WNT3: variants seen among roughly 807,000 people sequenced by gnomAD.
WNT3 encodes proto-oncogene Wnt-3.
WNT3 carries 7 observed loss-of-function variants against 34.2 expected under a neutral mutation model. The ratio of observed to expected loss-of-function variants is 0.20; its 90% CI spans 0.12 to 0.38. The LOEUF (loss-of-function observed/expected upper bound fraction) is 0.38. WNT3 is among the 10% of genes least tolerant of loss of function. WNT3 has a pLI of 1.00. For synonymous variants in WNT3, 212 were observed against 211.5 expected, an observed-to-expected ratio of 1.00 and a Z score of -0.02; for missense variants, 267 against 499.8, an observed-to-expected ratio of 0.53 and a Z score of 4.44.
intron 4 of WNT3, among the ~76,000 whole-genome samples, chr17:46,766,376 C>T (rs2059313370): frequency 6.6e-6 from 1 of 151,620 alleles, no homozygotes; most frequent in Non-Finnish European, 1.5e-5. Context: ...CACTTCACTC[C>T]AGCCTGGGCG....
intron 1 of WNT3, among the ~76,000 whole-genome samples, chr17:46,786,941 CT>C (rs566280448): frequency 3.2e-3 from 461 of 142,406 alleles, no homozygotes; most frequent in Admixed American, 3.1e-3. Flanking sequence ...TTTCTTTTTT[CT>C]TTTTTTTTTT....
At chr17:46,785,554 T>C (rs1288674732) in intron 1 of WNT3, among the ~76,000 whole-genome samples, 2 of 152,226 alleles carry the variant, frequency 1.3e-5, no homozygotes, top group Non-Finnish European at 2.9e-5. Flanking sequence ...TGACCACTTC[T>C]ACATGCTGTG....
chr17:46,806,836 C>T (rs1019842858), intron 1 of WNT3, among the ~76,000 whole-genome samples: 20 of 152,260 alleles, frequency 1.3e-4, no homozygotes, highest in African/African-American at 4.1e-4. Flanking sequence ...CTCCCCTCTG[C>T]TCCTCCTTGG....
intron 2 of WNT3, among the ~76,000 whole-genome samples, chr17:46,772,646 T>C (rs193015883): frequency 6.6e-6 from 1 of 152,364 alleles, no homozygotes; most frequent in Admixed American, 6.5e-5. Context: ...ATTGATTTGC[T>C]AATTACCCTC....
At chr17:46,801,568 T>A (rs1248657001) in intron 1 of WNT3, among the ~76,000 whole-genome samples, 4 of 123,620 alleles carry the variant, frequency 3.2e-5, no homozygotes, top group Non-Finnish European at 1.8e-5. Flanking sequence ...TGCAGTGAGC[T>A]GTGATTGCGC....
chr17:46,788,838 G>A (rs1379825907), intron 1 of WNT3, among the ~76,000 whole-genome samples: 1 of 152,156 alleles, frequency 6.6e-6, no homozygotes, highest in Non-Finnish European at 1.5e-5. Context: ...AGATCCCACA[G>A]GCTGTCTCCA....
At chr17:46,765,310 G>A (rs772491133) in intron 4 of WNT3, among the ~76,000 whole-genome samples, 1 of 151,728 alleles carries the variant, frequency 6.6e-6, no homozygotes, top group Non-Finnish European at 1.5e-5. Context: ...CAGGCCACTC[G>A]ACTCTTGCCA....
Position 46,795,712 on chromosome 17 carries a change from G to A in WNT3, c.81-21803C>T, listed in dbSNP as rs145584410. On this transcript the variant is annotated intron_variant, in intron 1 of 4. Coordinates refer to ENST00000225512, the MANE Select transcript of WNT3 (RefSeq NM_030753.5). ...TCTGCGGCACTGCTGACTCACAAAC[G>A]ATTCTGCCGCTGTGCAGTCTCAAAG... Among the ~76,000 whole-genome samples, 418 of 152,296 alleles carry A rather than the reference G, an allele frequency of 2.7e-3. 2 individuals are homozygous for A. The highest frequency in any genetic ancestry group is 9.4e-3 in the African/African-American group (392 of 41,548).
chr17:46,772,717 G>T (rs1844807113), intron 2 of WNT3, among the ~76,000 whole-genome samples: 1 of 152,182 alleles, frequency 6.6e-6, no homozygotes, highest in South Asian at 2.1e-4. Flanking sequence ...AGCACCTGAG[G>T]CACCGGTAAA....
rs1274932343 is a variant in WNT3 at position 46,769,828 on chromosome 17, G to A, written c.543C>T (p.Asp181=). The A allele has an allele frequency of 1.2e-6, 2 of 1,613,140 alleles. No homozygotes were observed. Among genetic ancestry groups the A allele is most frequent in the South Asian group, 1.1e-5 (1 of 91,060 alleles). Residue 181 remains aspartate (D), a synonymous_variant, in exon 3 of 5, where the codon GAC becomes GAT. Transcript: ENST00000225512. ...EFADARENRP[D]ARSAMNKHNN... ...TGTGCTTGTTCATGGCCGAGCGCGC[G>A]TCCGGCCTGTTCTCGCGCGCATCCG...
At position 46,769,822 on chromosome 17, in the gene WNT3, G is replaced by A. The variant is rs1205251727; in HGVS notation, c.549C>T (p.Arg183=). ...ADARENRPDA[R]SAMNKHNNEA... ...CGTTGTTGTGCTTGTTCATGGCCGA[G>A]CGCGCGTCCGGCCTGTTCTCGCGCG... Residue 183 remains arginine, a synonymous_variant, in exon 3 of 5, where the codon CGC becomes CGT. Coordinates refer to ENST00000225512, the MANE Select transcript of WNT3 (RefSeq NM_030753.5). 1.9e-6 allele frequency: 3 copies of A among 1,612,852 alleles called. No individual in the cohort carries two copies. The highest frequency in any genetic ancestry group is 2.5e-6 in the Non-Finnish European group (3 of 1,179,866).
At chr17:46,776,566 C>T (rs924576339) in intron 1 of WNT3, among the ~76,000 whole-genome samples, 11 of 152,178 alleles carry the variant, frequency 7.2e-5, no homozygotes, top group African/African-American at 2.2e-4. Context: ...CAGAGGTCCC[C>T]GTTGAGCCTC....
At chr17:46,810,428 A>G (rs918703550) in intron 1 of WNT3, among the ~76,000 whole-genome samples, 2 of 152,092 alleles carry the variant, frequency 1.3e-5, no homozygotes, top group Non-Finnish European at 2.9e-5. Flanking sequence ...CTGATGCTCA[A>G]TGGAGAGCCC....
At chr17:46,792,790 T>A (rs1309011461) in intron 1 of WNT3, among the ~76,000 whole-genome samples, 20 of 152,186 alleles carry the variant, frequency 1.3e-4, no homozygotes, top group Admixed American at 1.3e-3. Context: ...TTATTAATAA[T>A]AATAGTTAAC....
In WNT3 at chr17:46,773,921, C is replaced by T. The variant is rs763013695; in HGVS notation, c.81-12G>A. 1 of 1,610,238 alleles carries T rather than the reference C, an allele frequency of 6.2e-7. No homozygotes were observed. Among genetic ancestry groups the T allele is most frequent in the South Asian group, 1.1e-5 (1 of 90,826 alleles). ...CCAGGGCCAGGGACCTGCAGGCAGA[C>T]AGAGGGTAGTAACACTGTGGGCACA... On this transcript the variant is annotated splice_polypyrimidine_tract_variant and intron_variant, in intron 1 of 4. Coordinates refer to ENST00000225512, the MANE Select transcript of WNT3 (RefSeq NM_030753.5).
intron 1 of WNT3, among the ~76,000 whole-genome samples, chr17:46,775,210 A>C (rs2059403607): frequency 6.6e-6 from 1 of 152,208 alleles, no homozygotes; most frequent in Non-Finnish European, 1.5e-5. Flanking sequence ...ATTCCCAAAC[A>C]TGAAGAACAT....
chr17:46,780,818 T>A (rs2059454423), intron 1 of WNT3, among the ~76,000 whole-genome samples: 1 of 152,000 alleles, frequency 6.6e-6, no homozygotes, highest in Admixed American at 6.6e-5. Flanking sequence ...CAGACACCTG[T>A]ACACCAGTGT....
chr17:46,780,888 A>C (rs1373911683), intron 1 of WNT3, among the ~76,000 whole-genome samples: 1 of 152,212 alleles, frequency 6.6e-6, no homozygotes, highest in Non-Finnish European at 1.5e-5. Context: ...TCCTCAGCAG[A>C]TGAATGGATA....
intron 4 of WNT3, among the ~76,000 whole-genome samples, chr17:46,767,946 G>T (rs1009290050): frequency 6.6e-6 from 1 of 152,052 alleles, no homozygotes; most frequent in African/African-American, 2.4e-5. Context: ...CTGCCACAAC[G>T]CCCGGCTAAT....
Sources: allele counts gnomAD v4.1 joint callset (sites outside exome capture counted in the v4.1 genomes callset), GRCh38; gene constraint gnomAD v4.1.1; transcripts MANE v1.5; gene names NCBI Gene and HGNC (gene_info 2026-07-23, HGNC 2026-07-21).